Variants in ADAM23 observed in about 807,000 individuals in gnomAD.
ADAM23 encodes ADAM metallopeptidase domain 23.
A neutral mutation model predicts 120.1 loss-of-function variants in ADAM23; 33 were observed. That is an observed-to-expected ratio of 0.27 (90% CI 0.21 to 0.37). ADAM23 has a LOEUF of 0.37. Among genes scored for constraint, ADAM23 ranks in the 10% least tolerant of loss-of-function variants. The probability of loss-of-function intolerance (pLI) is 1.00; values close to 1 mark genes in which losing one functional copy is unlikely to be tolerated. For synonymous variants in ADAM23, 367 were observed against 375.2 expected (o/e 0.98, Z 0.25); for missense variants, 862 against 1,058.2 (o/e 0.81, Z 2.57).
At chr2:206,513,354 GTTGCTGA>G (rs1696665227) in intron 3 of ADAM23, among the ~76,000 whole-genome samples, 1 of 148,568 alleles carries the variant, frequency 6.7e-6, no homozygotes. Flanking sequence ...AAACAGCCTT[GTTGCTGA>G]TATGGAGAAA....
intron 24 of ADAM23, among the ~76,000 whole-genome samples, chr2:206,596,795 A>C (rs1264738710): frequency 6.6e-6 from 1 of 151,968 alleles, no homozygotes; most frequent in African/African-American, 2.4e-5. Context: ...AGGTCAGGTC[A>C]CTTACTATAG....
chr2:206,464,814 G>A (rs974316893), intron 2 of ADAM23, among the ~76,000 whole-genome samples: 8 of 152,030 alleles, frequency 5.3e-5, no homozygotes, highest in Non-Finnish European at 1.2e-4. Flanking sequence ...TAGTGATGCT[G>A]CCAAATGTAC....
At chr2:206,583,453 CAAAA>C (rs1207907566) in intron 18 of ADAM23, among the ~76,000 whole-genome samples, 2 of 78,504 alleles carry the variant, frequency 2.5e-5, no homozygotes, top group African/African-American at 4.8e-5. Flanking sequence ...GACTCCGTCT[CAAAA>C]AAAAAAAAAA....
intron 3 of ADAM23, among the ~76,000 whole-genome samples, chr2:206,525,768 T>G (rs1696930991): frequency 1.3e-5 from 2 of 152,048 alleles, no homozygotes; most frequent in Admixed American, 1.3e-4. Context: ...ATTTTTGTAT[T>G]TTTAGTACAG....
At chr2:206,467,023 T>C (rs961632371) in intron 2 of ADAM23, among the ~76,000 whole-genome samples, 1 of 152,218 alleles carries the variant, frequency 6.6e-6, no homozygotes, top group African/African-American at 2.4e-5. Context: ...CCAGTGGGAA[T>C]ATTGTTAAAC....
Position 206,548,332 on chromosome 2 carries a change from A to G in ADAM23, c.845A>G (p.Lys282Arg). Residue 282 changes from lysine to arginine, a missense_variant, in exon 8 of 26, where the codon AAA (lysine) becomes AGA (arginine). Transcript: ENST00000264377. Reference sequence around the variant, plus strand: ...TTTCTCTCTGAATTACAGTGGTTGAAAAGAAGGAAGAGAGCAGTGAATGTG... The same window carrying G: ...TTTCTCTCTGAATTACAGTGGTTGAGAAGAAGGAAGAGAGCAGTGAATGTG... ...WPFLSELQWL[K>R]RRKRAVNPSR... 1 of 1,610,904 alleles carries G rather than the reference A, an allele frequency of 6.2e-7. No homozygotes were observed. Among genetic ancestry groups the G allele is most frequent in the Non-Finnish European group, 8.5e-7 (1 of 1,179,940 alleles).
chr2:206,453,297 G>A (rs534920652), intron 2 of ADAM23, among the ~76,000 whole-genome samples: 3 of 152,316 alleles, frequency 2.0e-5, no homozygotes. Flanking sequence ...TGTGTTCTTA[G>A]ACTTTCAAGT....
chr2:206,547,473 A>T lies in ADAM23; in HGVS notation c.765A>T (p.Gly255=), dbSNP rs1183575079. ...RPHIIQKTLA[G]QYSKQMKNLT... is the part of the protein sequence containing the mutation. ...ATATAATCCAGAAAACCTTGGCAGG[A>T]CAGTATTCTAAGCAAATGAAGAATC... is the stretch of plus-strand genomic sequence containing the variant. Residue 255 remains glycine, a synonymous_variant, in exon 7 of 26, where the codon GGA becomes GGT. Transcript: ENST00000264377. 6.2e-7 allele frequency: 1 copy of T among 1,613,062 alleles called. No homozygotes were observed.
chr2:206,477,436 G>A (rs1204991495), intron 2 of ADAM23, among the ~76,000 whole-genome samples: 1 of 152,110 alleles, frequency 6.6e-6, no homozygotes, highest in African/African-American at 2.4e-5. Flanking sequence ...CCTTCAGGGT[G>A]GTAATTCTGA....
At chr2:206,503,897 T>G (rs2105895384) in intron 3 of ADAM23, among the ~76,000 whole-genome samples, 1 of 152,292 alleles carries the variant, frequency 6.6e-6, no homozygotes, top group African/African-American at 2.4e-5. Context: ...TTGTCTGTGC[T>G]GCAACTACGT....
chr2:206,531,333 C>T (rs1574516627), intron 4 of ADAM23, among the ~76,000 whole-genome samples: 1 of 152,140 alleles, frequency 6.6e-6, no homozygotes, highest in Non-Finnish European at 1.5e-5. Context: ...CCAAGAAGGG[C>T]AGAGGACAGG....
chr2:206,611,313 G>A (rs946292798), intron 25 of ADAM23, among the ~76,000 whole-genome samples: 1 of 152,020 alleles, frequency 6.6e-6, no homozygotes, highest in African/African-American at 2.4e-5. Flanking sequence ...TCATAAAATG[G>A]ACAACTCATA....
intron 2 of ADAM23, among the ~76,000 whole-genome samples, chr2:206,461,442 A>G (rs927423351): frequency 1.2e-4 from 19 of 152,166 alleles, no homozygotes; most frequent in African/African-American, 4.6e-4. Context: ...TGAGTAGAAT[A>G]ATTGACTGGC....
intron 3 of ADAM23, among the ~76,000 whole-genome samples, chr2:206,484,776 T>C (rs1695975878): frequency 6.6e-6 from 1 of 152,188 alleles, no homozygotes; most frequent in Non-Finnish European, 1.5e-5. Flanking sequence ...TTACTTTGAA[T>C]TGTAGCTTTC....
intron 24 of ADAM23, chr2:206,606,400 AAAG>A (rs1309772094): frequency 2.0e-5 from 3 of 152,234 alleles, no homozygotes; most frequent in East Asian, 1.9e-4. Context: ...AATTTTTTAA[AAAG>A]AAGATATTTA....
intron 2 of ADAM23, among the ~76,000 whole-genome samples, chr2:206,445,815 T>C (rs1695072108): frequency 6.6e-6 from 1 of 152,236 alleles, no homozygotes; most frequent in African/African-American, 2.4e-5. Context: ...AATGTGTTTA[T>C]GATTCTAACT....
intron 2 of ADAM23, among the ~76,000 whole-genome samples, chr2:206,463,349 G>A (rs1247401883): frequency 6.6e-6 from 1 of 152,172 alleles, no homozygotes; most frequent in African/African-American, 2.4e-5. Flanking sequence ...ACAAGCCAAG[G>A]AATACAGACA....
chr2:206,458,819 C>G (rs1477992590), intron 2 of ADAM23, among the ~76,000 whole-genome samples: 3 of 152,166 alleles, frequency 2.0e-5, no homozygotes, highest in Non-Finnish European at 2.9e-5. Flanking sequence ...CTAAGAAATA[C>G]TTTCATCTGC....
At chr2:206,447,930 G>A (rs367988261) in intron 2 of ADAM23, among the ~76,000 whole-genome samples, 23 of 152,258 alleles carry the variant, frequency 1.5e-4, no homozygotes, top group South Asian at 6.2e-4. Context: ...AAGAAATTTC[G>A]TAAATGTTCA....
Sources: gnomAD v4.1 joint callset for allele counts (sites outside exome capture counted in the v4.1 genomes callset) on GRCh38, gnomAD v4.1.1 for gene constraint, MANE v1.5 for transcripts, NCBI Gene and HGNC (gene_info 2026-07-23, HGNC 2026-07-21) for gene names.